The following MINDY2 variants were observed in gnomAD, a reference collection of about 807,000 sequenced individuals.
MINDY2 encodes ubiquitin carboxyl-terminal hydrolase MINDY-2.
Under a neutral mutation model 68.2 loss-of-function variants are expected in MINDY2, and 52 were observed. The ratio of observed to expected loss-of-function variants is 0.76; its 90% CI spans 0.61 to 0.96. MINDY2 has a LOEUF of 0.96. Ranked by LOEUF, MINDY2 falls within the 40% of genes least tolerant of loss-of-function variation. The pLI is 0.00. For synonymous variants in MINDY2, 372 were observed against 303.0 expected, an observed-to-expected ratio of 1.23 and a Z score of -2.36; for missense variants, 881 against 773.4, an observed-to-expected ratio of 1.14 and a Z score of -1.65.
intron 1 of MINDY2, among the ~76,000 whole-genome samples, chr15:58,776,684 G>A (rs1900791978): frequency 6.6e-6 from 1 of 152,092 alleles, no homozygotes; most frequent in Non-Finnish European, 1.5e-5. Flanking sequence ...CTGAAGTAGT[G>A]GGAGGAATGG....
chr15:58,838,265 G>T (rs1051735645), intron 6 of MINDY2, among the ~76,000 whole-genome samples: 1 of 151,954 alleles, frequency 6.6e-6, no homozygotes, highest in Non-Finnish European at 1.5e-5. Context: ...GGGCATGGTG[G>T]TGTGTGCCCG....
rs1442554529 is a variant in MINDY2, at chr15:58,860,498, C to T, written c.*5888C>T. The T allele has an allele frequency of 6.6e-6, 1 of 150,938 alleles. No individual in the cohort carries two copies. Among genetic ancestry groups the T allele is most frequent in the African/African-American group, 2.4e-5 (1 of 40,922 alleles). The allele number at this position is 150,938 out of a possible 1,614,324, so 9.3% of individuals were successfully genotyped here. A position where few individuals can be genotyped will look rare whatever the true frequency, so the allele number is the denominator to read the frequency against. ...TTGAGGCGCAAGAATCGCTTGAACCCGGAAGGCAGAGGTTGCAGTGAGCCA... is the reference window on the plus strand; with the variant it reads ...TTGAGGCGCAAGAATCGCTTGAACCTGGAAGGCAGAGGTTGCAGTGAGCCA... On this transcript the variant is annotated 3_prime_UTR_variant, in exon 9 of 9. Coordinates refer to ENST00000559228, the MANE Select transcript of MINDY2 (RefSeq NM_001040450.3).
chr15:58,791,215 T>TTATATATATATATATA (rs57998049), intron 2 of MINDY2, among the ~76,000 whole-genome samples: 860 of 79,036 alleles, frequency 0.011, 19 homozygotes, highest in Non-Finnish European at 0.017. Flanking sequence ...GAAAGCAATT[T>TTATATATATATATATA]TATATATATA....
intron 2 of MINDY2, among the ~76,000 whole-genome samples, chr15:58,794,277 G>A (rs567760045): frequency 2.6e-4 from 40 of 152,150 alleles, no homozygotes; most frequent in African/African-American, 8.7e-4. Flanking sequence ...TGATAGAGCT[G>A]AGGAATTTTT....
At chr15:58,812,870 G>A (rs566056245) in intron 4 of MINDY2, among the ~76,000 whole-genome samples, 1 of 152,110 alleles carries the variant, frequency 6.6e-6, no homozygotes, top group South Asian at 2.1e-4. Context: ...AATAAATAGA[G>A]AAATAAGTAA....
intron 2 of MINDY2, among the ~76,000 whole-genome samples, chr15:58,798,360 C>T (rs982436599): frequency 4.6e-5 from 7 of 150,988 alleles, no homozygotes; most frequent in African/African-American, 1.7e-4. Flanking sequence ...CTCCTGACCT[C>T]GTGATCCACC....
intron 2 of MINDY2, among the ~76,000 whole-genome samples, chr15:58,791,456 A>G (rs115729496): frequency 6.6e-6 from 1 of 151,476 alleles, no homozygotes; most frequent in African/African-American, 2.4e-5. Context: ...TCTCCACTTA[A>G]AAATTCAAAA....
chr15:58,781,615 C>A (rs966775434), intron 1 of MINDY2, among the ~76,000 whole-genome samples: 7 of 151,914 alleles, frequency 4.6e-5, no homozygotes. Flanking sequence ...TTTTGAAATA[C>A]TGATGGTGGC....
chr15:58,797,920 T>C (rs1297683972), intron 2 of MINDY2, among the ~76,000 whole-genome samples: 2 of 152,142 alleles, frequency 1.3e-5, no homozygotes, highest in Non-Finnish European at 2.9e-5. Context: ...CATCACAAAA[T>C]TGTAATGCCT....
At chr15:58,779,663 G>A (rs1901006774) in intron 1 of MINDY2, among the ~76,000 whole-genome samples, 1 of 152,160 alleles carries the variant, frequency 6.6e-6, no homozygotes, top group Non-Finnish European at 1.5e-5. Flanking sequence ...CACAATTGTG[G>A]GGTTTTGTTT....
At position 58,857,802 on chromosome 15, in the gene MINDY2, T is replaced by G. The variant is rs1405562478; in HGVS notation, c.*3192T>G. 1.3e-5 allele frequency: 2 copies of G among 152,226 alleles called. No homozygotes were observed. The highest frequency in any genetic ancestry group is 4.8e-5 in the African/African-American group (2 of 41,458). The allele number at this position is 152,226 out of a possible 1,614,324, so 9.4% of individuals were successfully genotyped here. Reference sequence around the variant, plus strand: ...CATATTTGCATCAACCAAATCATCATTAGATTTGAAAATAGGCAGATGAAT... The same window carrying G: ...CATATTTGCATCAACCAAATCATCAGTAGATTTGAAAATAGGCAGATGAAT... On this transcript the variant is annotated 3_prime_UTR_variant, in exon 9 of 9. Coordinates refer to ENST00000559228, the MANE Select transcript of MINDY2 (RefSeq NM_001040450.3).
At chr15:58,819,840 A>C (rs1457708023) in intron 4 of MINDY2, among the ~76,000 whole-genome samples, 1 of 152,184 alleles carries the variant, frequency 6.6e-6, no homozygotes, top group Non-Finnish European at 1.5e-5. Flanking sequence ...CAAAGCTGGA[A>C]CTCATAGATG....
intron 2 of MINDY2, among the ~76,000 whole-genome samples, chr15:58,801,264 A>C (rs1282653136): frequency 6.6e-6 from 1 of 151,726 alleles, no homozygotes; most frequent in African/African-American, 2.4e-5. Context: ...ATGAGCCATC[A>C]TGCCCAGCCC....
chr15:58,806,022 C>T (rs945615293), intron 3 of MINDY2, among the ~76,000 whole-genome samples: 10 of 152,148 alleles, frequency 6.6e-5, no homozygotes, highest in Non-Finnish European at 1.5e-4. Flanking sequence ...TGCAGTGAGC[C>T]GAGATCACGC....
intron 5 of MINDY2, among the ~76,000 whole-genome samples, chr15:58,824,550 GA>G (rs759712563): frequency 1.2e-4 from 18 of 151,654 alleles, no homozygotes; most frequent in Non-Finnish European, 2.1e-4. Context: ...TAGTTCATTT[GA>G]AATAATTACT....
At chr15:58,804,632 C>T (rs1423878725) in intron 3 of MINDY2, among the ~76,000 whole-genome samples, 2 of 151,736 alleles carry the variant, frequency 1.3e-5, no homozygotes, top group African/African-American at 4.8e-5. Flanking sequence ...ATGGCAAAAC[C>T]CTGTCTCTAC....
chr15:58,787,843 TG>T (rs1218448104), intron 1 of MINDY2, 62 bp from the exon 2 acceptor site: 23 of 1,104,530 alleles, frequency 2.1e-5, no homozygotes, highest in Admixed American at 1.9e-4. Context: ...TGTTTCTGAC[TG>T]CAAGAAATAC....
chr15:58,852,789 T>C (rs1270129227), intron 8 of MINDY2, among the ~76,000 whole-genome samples: 2 of 152,144 alleles, frequency 1.3e-5, no homozygotes, highest in Non-Finnish European at 2.9e-5. Flanking sequence ...ATCTCCCTAC[T>C]TTTCACTTTC....
rs1460933911 is a variant in MINDY2, at chr15:58,810,342, A to G, written c.1076A>G (p.Asp359Gly). ...TATACACCAGAATGCATAGTATTTG[A>G]TCTTCTTGATATTCCTTTGTACCAT... ...FEYTPECIVFDLLDIPLYHGW... is the reference protein window; with the variant it reads ...FEYTPECIVFGLLDIPLYHGW... The change falls in exon 4 of 9, where the codon GAT becomes GGT. Residue 359 changes from aspartate (D) to glycine (G), a missense_variant. Asp to Gly is a moderately conservative substitution (Grantham distance 94). Transcript: ENST00000559228. The G allele has an allele frequency of 8.1e-6, 13 of 1,612,770 alleles. No individual in the cohort carries two copies. Among genetic ancestry groups the G allele is most frequent in the Non-Finnish European group, 1.1e-5 (13 of 1,179,654 alleles).
Sources: allele counts gnomAD v4.1 joint callset (sites outside exome capture counted in the v4.1 genomes callset), GRCh38; gene constraint gnomAD v4.1.1; transcripts MANE v1.5; gene names NCBI Gene and HGNC (gene_info 2026-07-23, HGNC 2026-07-21).